The following UHRF1 variants were observed in gnomAD, a reference collection of about 807,000 sequenced individuals.
UHRF1 encodes the protein E3 ubiquitin-protein ligase UHRF1.
In UHRF1, 9 loss-of-function variants were observed where a neutral mutation model predicts 96.5. The ratio of observed to expected loss-of-function variants is 0.09; its 90% CI spans 0.06 to 0.16. The LOEUF is 0.16. UHRF1 is among the 10% of genes least tolerant of loss of function. The pLI is 1.00. For synonymous variants in UHRF1, 455 were observed against 469.9 expected (o/e 0.97, Z 0.41); for missense variants, 626 against 1,131.1 (o/e 0.55, Z 6.40).
intron 10 of UHRF1, 74 bp from the exon 11 acceptor site, chr19:4,947,031 T>G (rs532160267): frequency 2.9e-5 from 34 of 1,175,044 alleles, no homozygotes; most frequent in Non-Finnish European, 4.1e-5. Flanking sequence ...TCCTGGGGAG[T>G]TTGCTTTCAA....
At chr19:4,946,040 A>G in intron 10 of UHRF1, 75 bp downstream of exon 10, 4 of 1,195,832 alleles carry the variant, frequency 3.3e-6, no homozygotes, top group Non-Finnish European at 4.7e-6. Context: ...ATAGAACAAA[A>G]TTTCCCATCC....
At chr19:4,936,518 C>T (rs2146345723) in intron 5 of UHRF1, among the ~76,000 whole-genome samples, 1 of 152,270 alleles carries the variant, frequency 6.6e-6, no homozygotes, top group East Asian at 1.9e-4. Context: ...CTAGGAGCTA[C>T]CAGCCTTTGC....
chr19:4,915,324 T>A (rs929826846), intron 2 of UHRF1, among the ~76,000 whole-genome samples: 1 of 152,214 alleles, frequency 6.6e-6, no homozygotes, highest in African/African-American at 2.4e-5. Context: ...GCGGCCTCTG[T>A]TAGGGTGACT....
chr19:4,945,841 T>C lies in UHRF1; in HGVS notation c.1306-20T>C. On this transcript the variant is annotated intron_variant, in intron 9 of 16. Transcript: ENST00000650932. Reference sequence around the variant, plus strand: ...CAGTCATTGCAGAGGACACCATGTATATCTTGGTGGCATCCTCAGGTCAGC... The same window carrying C: ...CAGTCATTGCAGAGGACACCATGTACATCTTGGTGGCATCCTCAGGTCAGC... 1 of 1,584,538 alleles carries C rather than the reference T, an allele frequency of 6.3e-7. No homozygotes were observed. The highest frequency in any genetic ancestry group is 8.6e-7 in the Non-Finnish European group (1 of 1,162,316).
At chr19:4,939,218 ATTTTTT>A (rs35132707) in intron 5 of UHRF1, among the ~76,000 whole-genome samples, 1 of 120,814 alleles carries the variant, frequency 8.3e-6, no homozygotes, top group African/African-American at 3.2e-5. Context: ...GCACCCGGCC[ATTTTTT>A]TTTTTTTTTT....
intron 2 of UHRF1, among the ~76,000 whole-genome samples, chr19:4,912,909 A>G (rs556496150): frequency 3.7e-4 from 56 of 152,108 alleles, no homozygotes; most frequent in African/African-American, 1.3e-3. Context: ...ATAGGCATGC[A>G]CCACCATGCC....
intron 2 of UHRF1, among the ~76,000 whole-genome samples, chr19:4,927,586 T>C (rs1308483501): frequency 6.6e-6 from 1 of 152,138 alleles, no homozygotes; most frequent in African/African-American, 2.4e-5. Flanking sequence ...ATTCTATGTA[T>C]GTCTCTCTCC....
intron 5 of UHRF1, among the ~76,000 whole-genome samples, chr19:4,939,214 G>A (rs532808088): frequency 7.8e-6 from 1 of 128,114 alleles, no homozygotes; most frequent in African/African-American, 2.8e-5. Context: ...CACTGCACCC[G>A]GCCATTTTTT....
At position 4,942,523 on chromosome 19, in the gene UHRF1, A is replaced by G. The variant is rs576704801; in HGVS notation, c.1073+592A>G. Among the ~76,000 whole-genome samples, 5 of 151,834 alleles carry G rather than the reference A, an allele frequency of 3.3e-5. No individual in the cohort carries two copies. In the East Asian group the frequency reaches 9.7e-4, roughly 30 times the overall value. On this transcript the variant is annotated intron_variant, in intron 7 of 16. Coordinates refer to ENST00000650932, the MANE Select transcript of UHRF1 (RefSeq NM_001048201.3). ...GAGTCTAATGGCACGATCTTGGCTCACTGCAACCTCTGCCTCCCGGGTTCA... is the reference window on the plus strand; with the variant it reads ...GAGTCTAATGGCACGATCTTGGCTCGCTGCAACCTCTGCCTCCCGGGTTCA...
At chr19:4,903,462 A>C (rs186148863) in exon 1 of UHRF1, 2 of 152,124 alleles carry the variant, frequency 1.3e-5, no homozygotes, top group Admixed American at 1.3e-4. Context: ...ACAGGCATGC[A>C]CCATCACCAT....
chr19:4,950,391 G>A (rs929900190), intron 11 of UHRF1, among the ~76,000 whole-genome samples: 5 of 151,502 alleles, frequency 3.3e-5, no homozygotes, highest in Admixed American at 6.6e-5. Context: ...TTACAGGCAC[G>A]CGCCACCACG....
intron 2 of UHRF1, among the ~76,000 whole-genome samples, chr19:4,927,038 G>A (rs1019107565): frequency 3.3e-5 from 5 of 151,976 alleles, no homozygotes; most frequent in Non-Finnish European, 5.9e-5. Context: ...TCCAGCCTGG[G>A]CGACAGAGCA....
chr19:4,949,847 T>G (rs1202612907), intron 11 of UHRF1, among the ~76,000 whole-genome samples: 1 of 24,242 alleles, frequency 4.1e-5, no homozygotes, highest in African/African-American at 2.3e-4. Flanking sequence ...TTTTTGTTTG[T>G]TTTTTTTTTA....
Position 4,934,589 on chromosome 19 carries a change from T to C in UHRF1, c.785+1633T>C, listed in dbSNP as rs17881092. 5.7e-3 allele frequency among the ~76,000 whole-genome samples: 866 copies of C among 152,294 alleles called. 7 individuals are homozygous for C. The highest frequency in any genetic ancestry group is 0.01 in the Middle Eastern group (3 of 294). ...GCATCTGTTCACTGACGTCACTGAG[T>C]GTGATGTCCTTGAGGTGCATCAGGC... On this transcript the variant is annotated intron_variant, in intron 5 of 16. Coordinates refer to ENST00000650932, the MANE Select transcript of UHRF1 (RefSeq NM_001048201.3).
intron 11 of UHRF1, among the ~76,000 whole-genome samples, chr19:4,948,671 A>G (rs940139076): frequency 6.6e-6 from 1 of 152,022 alleles, no homozygotes; most frequent in Non-Finnish European, 1.5e-5. Context: ...GTGTGGTGGC[A>G]GGCACCTGTA....
chr19:4,941,323 T>A (rs1034945961), intron 5 of UHRF1, among the ~76,000 whole-genome samples: 7 of 152,040 alleles, frequency 4.6e-5, no homozygotes, highest in African/African-American at 1.7e-4. Context: ...ACTCCTGACC[T>A]CGGCCTCCCA....
chr19:4,921,411 C>G (rs1428733536), intron 2 of UHRF1, among the ~76,000 whole-genome samples: 1 of 152,110 alleles, frequency 6.6e-6, no homozygotes, highest in East Asian at 1.9e-4. Context: ...TGCACTCCAG[C>G]CTGGGCAACA....
At chr19:4,928,233 G>A (rs914604381) in intron 2 of UHRF1, among the ~76,000 whole-genome samples, 1 of 152,036 alleles carries the variant, frequency 6.6e-6, no homozygotes, top group Non-Finnish European at 1.5e-5. Flanking sequence ...GGATGGCTCC[G>A]CCCCAGAGAA....
Position 4,947,488 on chromosome 19 carries a change from A to ATTT in UHRF1, c.1517+278_1517+279insTTT, listed in dbSNP as rs1568427975. ...CCCTATAAAAGGCCAGATAATAGAT[A>ATTT]TCTTTTTTTTTTTTTTTTTTTTTTT... On this transcript the variant is annotated intron_variant, in intron 11 of 16. Coordinates refer to ENST00000650932, the MANE Select transcript of UHRF1 (RefSeq NM_001048201.3). 2.6e-4 allele frequency among the ~76,000 whole-genome samples: 18 copies of ATTT among 70,352 alleles called. No homozygotes were observed. In the South Asian group the frequency reaches 4.7e-3, roughly 18 times the overall value. 46.2% of individuals were successfully genotyped at this position (70,352 alleles called of 152,430 possible).
Sources: gnomAD v4.1 joint callset for allele counts (sites outside exome capture counted in the v4.1 genomes callset) on GRCh38, gnomAD v4.1.1 for gene constraint, MANE v1.5 for transcripts, NCBI Gene and HGNC (gene_info 2026-07-23, HGNC 2026-07-21) for gene names.